Variants in ECHDC1 observed in about 807,000 individuals in gnomAD.
ECHDC1 encodes ethylmalonyl-CoA decarboxylase.
A neutral mutation model predicts 29.7 loss-of-function variants in ECHDC1; 29 were observed. The observed-to-expected ratio is 0.98, with a 90% CI of 0.73 to 1.33. The LOEUF is 1.33. Among genes scored for constraint, ECHDC1 ranks in the 40% most tolerant of loss-of-function variants. The pLI, the probability that ECHDC1 is intolerant of heterozygous loss-of-function variation, is 0.00. For synonymous variants in ECHDC1, 126 were observed against 123.1 expected (o/e 1.02, Z -0.15); for missense variants, 328 against 350.0 (o/e 0.94, Z 0.50).
intron 5 of ECHDC1, among the ~76,000 whole-genome samples, chr6:127,311,362 C>T (rs1213158330): frequency 1.3e-5 from 2 of 151,886 alleles, no homozygotes; most frequent in South Asian, 4.1e-4. Flanking sequence ...AAAGATACAC[C>T]ACAGAAATGT....
chr6:127,325,777 T>A (rs994376273), intron 3 of ECHDC1, among the ~76,000 whole-genome samples: 1 of 152,088 alleles, frequency 6.6e-6, no homozygotes, highest in African/African-American at 2.4e-5. Flanking sequence ...CATGGCTCAA[T>A]GAAGCCTTAA....
chr6:127,300,711 T>G (rs1780990742), intron 5 of ECHDC1, among the ~76,000 whole-genome samples: 1 of 152,184 alleles, frequency 6.6e-6, no homozygotes, highest in Non-Finnish European at 1.5e-5. Context: ...AGTTGGAACC[T>G]GGGTGAGCCT....
chr6:127,317,292 C>CA (rs1430982374), intron 3 of ECHDC1, among the ~76,000 whole-genome samples: 1 of 152,020 alleles, frequency 6.6e-6, no homozygotes, highest in Non-Finnish European at 1.5e-5. Context: ...CATGCAGTTT[C>CA]AAAATTCTAA....
At chr6:127,333,951 T>G (rs1217924862) in intron 1 of ECHDC1, among the ~76,000 whole-genome samples, 3 of 152,198 alleles carry the variant, frequency 2.0e-5, no homozygotes, top group Non-Finnish European at 4.4e-5. Context: ...CCCCATTTTC[T>G]TATGCTTATT....
In ECHDC1 at chr6:127,311,669, C is replaced by CAA. The variant is rs71272311; in HGVS notation, c.497+3145_497+3146dup. On this transcript the variant is annotated intron_variant, in intron 5 of 5. Coordinates refer to ENST00000454859, the MANE Select transcript of ECHDC1 (RefSeq NM_001002030.2). The stretch of plus-strand genomic sequence containing the variant: ...AGCCTGGGTGACAGAGGCTCTGTCT[C>CAA]AAAAAAAAAAAAAAAAAAAAAAAAA... Among the ~76,000 whole-genome samples, 206 of 25,048 alleles carry CAA rather than the reference C, an allele frequency of 8.2e-3. 16 individuals are homozygous for CAA. Among genetic ancestry groups the CAA allele is most frequent in the Non-Finnish European group, 0.012 (94 of 7,986 alleles). The allele number at this position is 25,048 out of a possible 152,430, so 16.4% of individuals were successfully genotyped here.
rs76085784 is a variant in ECHDC1 at position 127,336,378 on chromosome 6, A to G, written c.-2-5348T>C. Reference sequence around the variant, plus strand: ...TAATGTTCCTGCAAATATTATTTTCATTCACTGAATATTATTCCCCATATT... The same window carrying G: ...TAATGTTCCTGCAAATATTATTTTCGTTCACTGAATATTATTCCCCATATT... On this transcript the variant is annotated intron_variant, in intron 1 of 5. Transcript: ENST00000454859. Among the ~76,000 whole-genome samples, 75 of 152,264 alleles carry G rather than the reference A, an allele frequency of 4.9e-4. No individual in the cohort carries two copies. The East Asian group carries it at 0.014, about 28-fold the overall frequency.
intron 1 of ECHDC1, among the ~76,000 whole-genome samples, chr6:127,337,878 T>C (rs1018287921): frequency 2.6e-5 from 4 of 152,200 alleles, no homozygotes; most frequent in African/African-American, 9.6e-5. Context: ...ATAGGAAATA[T>C]ACCAAAATAT....
chr6:127,324,068 T>C (rs1783080407), intron 3 of ECHDC1, among the ~76,000 whole-genome samples: 1 of 152,184 alleles, frequency 6.6e-6, no homozygotes, highest in African/African-American at 2.4e-5. Flanking sequence ...TCTTGCTGAT[T>C]TTTAATGATG....
chr6:127,315,670 T>C (rs143494072), intron 4 of ECHDC1: 63 of 278,030 alleles, frequency 2.3e-4, no homozygotes, highest in East Asian at 5.0e-4. Flanking sequence ...GATTTATCTA[T>C]GAAAAAGTCA....
chr6:127,291,276 CT>C (rs57066162), intron 5 of ECHDC1, among the ~76,000 whole-genome samples: 21,746 of 133,156 alleles, frequency 0.16, 3,060 homozygotes, highest in East Asian at 0.56. Flanking sequence ...GCTCTTATAC[CT>C]TTTTTTTTTT....
intron 3 of ECHDC1, among the ~76,000 whole-genome samples, chr6:127,318,940 T>C (rs1782616692): frequency 6.6e-6 from 1 of 152,228 alleles, no homozygotes; most frequent in East Asian, 1.9e-4. Context: ...GCTTTCAAAG[T>C]AAACTGGTTT....
chr6:127,319,629 A>G (rs1346729668), intron 3 of ECHDC1, among the ~76,000 whole-genome samples: 1 of 152,208 alleles, frequency 6.6e-6, no homozygotes, highest in African/African-American at 2.4e-5. Flanking sequence ...TAAGCCAGTA[A>G]GAGATATCTG....
At chr6:127,302,034 T>C (rs565561508) in intron 5 of ECHDC1, among the ~76,000 whole-genome samples, 2 of 152,244 alleles carry the variant, frequency 1.3e-5, no homozygotes, top group South Asian at 4.1e-4. Flanking sequence ...ATACTGAGAG[T>C]AGGCAGTACC....
chr6:127,335,210 T>G (rs1282248112), intron 1 of ECHDC1, among the ~76,000 whole-genome samples: 1 of 152,116 alleles, frequency 6.6e-6, no homozygotes, highest in Admixed American at 6.5e-5. Flanking sequence ...TTTACCAAAG[T>G]GTTTCCAATG....
intron 5 of ECHDC1, among the ~76,000 whole-genome samples, chr6:127,303,010 C>CA (rs2114581136): frequency 6.6e-6 from 1 of 152,098 alleles, no homozygotes; most frequent in South Asian, 2.1e-4. Flanking sequence ...CACTAGTTTT[C>CA]AAGAGGCTAG....
intron 3 of ECHDC1, among the ~76,000 whole-genome samples, chr6:127,318,908 C>T (rs181514244): frequency 1.3e-5 from 2 of 152,336 alleles, no homozygotes; most frequent in Admixed American, 1.3e-4. Flanking sequence ...AGAAAATTAA[C>T]ACAGGCACGA....
chr6:127,312,058 TA>T (rs35311556), intron 5 of ECHDC1, among the ~76,000 whole-genome samples: 110,214 of 151,138 alleles, frequency 0.73, 40,276 homozygotes, highest in East Asian at 0.78. Context: ...ATACTACTGA[TA>T]AAAAAAAAAC....
rs948785961 is a variant in ECHDC1, at chr6:127,314,679, T to C, written c.497+137A>G. 1.5e-5 allele frequency: 10 copies of C among 648,080 alleles called. No individual in the cohort carries two copies. In the African/African-American group the frequency reaches 1.7e-4, roughly 11 times the overall value. 40.1% of individuals were successfully genotyped at this position (648,080 alleles called of 1,614,324 possible). On this transcript the variant is annotated intron_variant, in intron 5 of 5. Transcript: ENST00000454859. Reference sequence around the variant, plus strand: ...GATTAAAATTATCTACTTTAATGACTGACAAAAAGAAAACATTCAGAAAAG... The same window carrying C: ...GATTAAAATTATCTACTTTAATGACCGACAAAAAGAAAACATTCAGAAAAG...
chr6:127,342,471 C>G, intron 1 of ECHDC1: 1 of 1,308,272 alleles, frequency 7.6e-7, no homozygotes, highest in Non-Finnish European at 1.0e-6. Flanking sequence ...AATAAAAAAT[C>G]AAGAAAGGAT....
Sources: gnomAD v4.1 joint callset for allele counts (sites outside exome capture counted in the v4.1 genomes callset) on GRCh38, gnomAD v4.1.1 for gene constraint, MANE v1.5 for transcripts, NCBI Gene and HGNC (gene_info 2026-07-23, HGNC 2026-07-21) for gene names.